Variants in ETFBKMT observed in about 807,000 individuals in gnomAD.
ETFBKMT encodes electron transfer flavoprotein beta subunit lysine methyltransferase.
In ETFBKMT, 13 loss-of-function variants were observed where a neutral mutation model predicts 18.3. The ratio of observed to expected loss-of-function variants is 0.71; its 90% CI spans 0.46 to 1.13. The LOEUF (loss-of-function observed/expected upper bound fraction) is 1.13, where lower values mean the gene tolerates loss of function less well. ETFBKMT is among the 50% of genes most tolerant of loss of function. ETFBKMT has a pLI of 0.00. For synonymous variants in ETFBKMT, 84 were observed against 107.9 expected, an observed-to-expected ratio of 0.78 and a Z score of 1.37; for missense variants, 293 against 306.2, an observed-to-expected ratio of 0.96 and a Z score of 0.32.
chr12:31,667,221 C>T (rs1481730887), intron 3 of ETFBKMT, among the ~76,000 whole-genome samples: 1 of 152,114 alleles, frequency 6.6e-6, no homozygotes, highest in African/African-American at 2.4e-5. Flanking sequence ...TCTTGAACTC[C>T]TGACCTCAGG....
At position 31,667,719 on chromosome 12, in the gene ETFBKMT, T is replaced by G. The variant is rs766477603; in HGVS notation, c.518T>G (p.Ile173Ser). ...CCTTTTCCTATTTTAATCCAAAACA[T>G]TTTGAATTTGGAACAAGATAAGTGG... ...LNPFPILIQNILNLEQDKWDL... is the reference protein window; with the variant it reads ...LNPFPILIQNSLNLEQDKWDL... The change falls in exon 4 of 4, where the codon ATT becomes AGT. Residue 173 changes from isoleucine to serine, a missense_variant. By Grantham distance (142) the Ile-to-Ser change is moderately radical (BLOSUM62 -2). Transcript: ENST00000357721. 19 of 1,614,004 alleles carry G rather than the reference T, an allele frequency of 1.2e-5. No individual in the cohort carries two copies. The highest frequency in any genetic ancestry group is 2.5e-6 in the Non-Finnish European group (3 of 1,180,016).
At chr12:31,649,901 C>T (rs377118574) in intron 1 of ETFBKMT, among the ~76,000 whole-genome samples, 1 of 148,448 alleles carries the variant, frequency 6.7e-6, no homozygotes, top group Admixed American at 6.8e-5. Flanking sequence ...GGATTACAGG[C>T]ACGTACCACC....
Position 31,667,832 on chromosome 12 carries a change from A to G in ETFBKMT, c.631A>G (p.Arg211Gly). 6.2e-7 allele frequency: 1 copy of G among 1,614,222 alleles called. No individual in the cohort carries two copies. The highest frequency in any genetic ancestry group is 8.5e-7 in the Non-Finnish European group (1 of 1,180,032). The change falls in exon 4 of 4, where the codon AGA becomes GGA. Residue 211 changes from arginine (R) to glycine (G), a missense_variant. Coordinates refer to ENST00000357721, the MANE Select transcript of ETFBKMT (RefSeq NM_001135863.2). ...QWLKKCFWTY[R>G]TRVLIGDPGR... ...GCTGAAGAAGTGCTTCTGGACCTATAGAACTCGAGTACTGATTGGTGACCC... is the reference window on the plus strand; with the variant it reads ...GCTGAAGAAGTGCTTCTGGACCTATGGAACTCGAGTACTGATTGGTGACCC...
At chr12:31,660,556 C>CAATT (rs1475048022) in intron 1 of ETFBKMT, among the ~76,000 whole-genome samples, 1 of 152,098 alleles carries the variant, frequency 6.6e-6, no homozygotes, top group Non-Finnish European at 1.5e-5. Context: ...TCTTAGTGAT[C>CAATT]AATTGCACAG....
At chr12:31,657,611 G>A (rs913570677), upstream of ETFBKMT, among the ~76,000 whole-genome samples, 2 of 151,986 alleles carry the variant, frequency 1.3e-5, no homozygotes, top group Non-Finnish European at 2.9e-5. Context: ...GACCAACATG[G>A]TGAAACCCCG....
chr12:31,658,769 G>T (rs1402777664), upstream of ETFBKMT, among the ~76,000 whole-genome samples: 1 of 152,122 alleles, frequency 6.6e-6, no homozygotes, highest in Non-Finnish European at 1.5e-5. Flanking sequence ...AGTGGGATGT[G>T]GGTCCAGTTG....
rs1072778 is a variant in ETFBKMT at position 31,672,037 on chromosome 12, T to C, written c.*4047T>C. 102,222 of 318,586 alleles carry C rather than the reference T, an allele frequency of 0.32. 17,230 individuals are homozygous for C. The highest frequency in any genetic ancestry group is 0.36 in the Non-Finnish European group (61,475 of 173,026). The allele number at this position is 318,586 out of a possible 1,614,324, so 19.7% of individuals were successfully genotyped here. On this transcript the variant is annotated 3_prime_UTR_variant, in exon 4 of 4. Coordinates refer to ENST00000357721, the MANE Select transcript of ETFBKMT (RefSeq NM_001135863.2). ...ATTTAAGAAACAGAATCCAACACCA[T>C]AGATCAGAGTTCATGCTAGGATTAT... is the stretch of plus-strand genomic sequence containing the variant.
At chr12:31,666,325 T>C (rs1951196062) in intron 3 of ETFBKMT, 108 bp downstream of exon 3, 4 of 1,203,618 alleles carry the variant, frequency 3.3e-6, no homozygotes, top group Non-Finnish European at 2.3e-6. Flanking sequence ...TATTTTGTGA[T>C]TGGACATTGT....
intron 1 of ETFBKMT, among the ~76,000 whole-genome samples, chr12:31,651,061 T>C (rs1399595657): frequency 6.6e-6 from 1 of 152,052 alleles, no homozygotes; most frequent in African/African-American, 2.4e-5. Context: ...AGAAGGGACG[T>C]GGAGAACAAC....
chr12:31,665,081 T>A (rs1241641774), intron 2 of ETFBKMT, among the ~76,000 whole-genome samples: 1 of 149,706 alleles, frequency 6.7e-6, no homozygotes, highest in Admixed American at 6.7e-5. Context: ...GGATTGCAGG[T>A]GCCCGCCACC....
chr12:31,658,676 TC>T (rs772975774), upstream of ETFBKMT, among the ~76,000 whole-genome samples: 13 of 152,256 alleles, frequency 8.5e-5, no homozygotes, highest in Non-Finnish European at 1.8e-4. Flanking sequence ...TGGACCGTTT[TC>T]CCCCCTCTAG....
intron 1 of ETFBKMT, among the ~76,000 whole-genome samples, chr12:31,652,051 T>C (rs1265206892): frequency 1.3e-5 from 2 of 152,044 alleles, no homozygotes; most frequent in African/African-American, 4.8e-5. Context: ...AAAGTCTATT[T>C]CCATAATAAG....
In ETFBKMT at chr12:31,661,853, C is replaced by T. The variant is rs747798607; in HGVS notation, c.-101C>T. ...TTTTTTTTTTCAGAGTCAGAGGTTCCGGTTGAGATCAAGTTGGGAGACACA... is the reference window on the plus strand; with the variant it reads ...TTTTTTTTTTCAGAGTCAGAGGTTCTGGTTGAGATCAAGTTGGGAGACACA... On this transcript the variant is annotated 5_prime_UTR_variant, in exon 2 of 4. Transcript: ENST00000357721. 21 of 1,034,776 alleles carry T rather than the reference C, an allele frequency of 2.0e-5. No individual in the cohort carries two copies. Among genetic ancestry groups the T allele is most frequent in the Middle Eastern group, 4.3e-4 (2 of 4,704 alleles). The allele number at this position is 1,034,776 out of a possible 1,614,324, so 64.1% of individuals were successfully genotyped here. A position where few individuals can be genotyped will look rare whatever the true frequency, so the allele number is the denominator to read the frequency against.
intron 1 of ETFBKMT, among the ~76,000 whole-genome samples, chr12:31,648,692 G>C: frequency 6.6e-6 from 1 of 151,480 alleles, no homozygotes; most frequent in Admixed American, 6.6e-5. Context: ...CTCCCAGGTA[G>C]CTGGGGCTAC....
At position 31,669,308 on chromosome 12, in the gene ETFBKMT, T is replaced by C. The variant is rs1299450286; in HGVS notation, c.*1318T>C. 1.3e-5 allele frequency: 2 copies of C among 152,206 alleles called. No homozygotes were observed. The highest frequency in any genetic ancestry group is 2.4e-5 in the African/African-American group (1 of 41,440). 9.4% of individuals were successfully genotyped at this position (152,206 alleles called of 1,614,324 possible). On this transcript the variant is annotated 3_prime_UTR_variant, in exon 4 of 4. Coordinates refer to ENST00000357721, the MANE Select transcript of ETFBKMT (RefSeq NM_001135863.2). The stretch of plus-strand genomic sequence containing the variant: ...ATGTGATAAGGTATGGGAGAAGGTA[T>C]GTTCTATAGTCCTGTGATTAAGTCT...
upstream of ETFBKMT, among the ~76,000 whole-genome samples, chr12:31,656,263 G>A (rs551401321): frequency 1.3e-5 from 2 of 152,272 alleles, no homozygotes; most frequent in South Asian, 4.1e-4. Flanking sequence ...GTTGAACTGA[G>A]TTCTGAAGGA....
At chr12:31,654,240 C>T (rs934548844), upstream of ETFBKMT, among the ~76,000 whole-genome samples, 2 of 152,162 alleles carry the variant, frequency 1.3e-5, no homozygotes, top group East Asian at 1.9e-4. Context: ...AGTAGAGACA[C>T]GGTTTCACCA....
rs116339730 is a variant in ETFBKMT, at chr12:31,652,212, C to A, written c.-114+4957C>A. 6.1e-3 allele frequency among the ~76,000 whole-genome samples: 932 copies of A among 152,272 alleles called. 4 individuals carry two copies. Among genetic ancestry groups the A allele is most frequent in the African/African-American group, 0.022 (904 of 41,528 alleles). ...CCACTGCCGGCTGGTCCTTTCCACT[C>A]GCAGATCCATTTCTCTATAGAGAAA... On this transcript the variant is annotated intron_variant, in intron 1 of 3. Coordinates refer to the ETFBKMT transcript ENST00000412352.
upstream of ETFBKMT, among the ~76,000 whole-genome samples, chr12:31,655,426 G>C (rs1324375757): frequency 6.6e-6 from 1 of 152,086 alleles, no homozygotes; most frequent in Non-Finnish European, 1.5e-5. Flanking sequence ...CCATAAACAA[G>C]GACATGTCAA....
Sources: allele counts gnomAD v4.1 joint callset (sites outside exome capture counted in the v4.1 genomes callset), GRCh38; gene constraint gnomAD v4.1.1; transcripts MANE v1.5; gene names NCBI Gene and HGNC (gene_info 2026-07-23, HGNC 2026-07-21).